The following LCP1 variants were observed in gnomAD, a reference collection of about 807,000 sequenced individuals.
The protein encoded by LCP1 is plastin-2.
Under a neutral mutation model 72.0 loss-of-function variants are expected in LCP1, and 23 were observed. The ratio of observed to expected loss-of-function variants is 0.32; its 90% CI spans 0.23 to 0.45. LCP1 has a LOEUF of 0.45. LCP1 is among the 20% of genes least tolerant of loss of function. The pLI is 1.00. For synonymous variants in LCP1, 245 were observed against 275.4 expected (o/e 0.89, Z 1.09); for missense variants, 571 against 748.3 (o/e 0.76, Z 2.76).
intron 13 of LCP1, among the ~76,000 whole-genome samples, chr13:46,136,298 T>C (rs1419959536): frequency 6.6e-6 from 1 of 152,208 alleles, no homozygotes; most frequent in African/African-American, 2.4e-5. Context: ...GCTTGCACAG[T>C]GTATTCATCA....
chr13:46,127,707 C>A lies in LCP1; in HGVS notation c.1768G>T (p.Ala590Ser). ...TACACTCTTGCTCCAATTTTTCGGG[C>A]CATAGAGATGGCATATCTAAAAGGG... ...LNNAKYAISM[A>S]RKIGARVYAL... The change falls in exon 16 of 16, where the codon GCC becomes TCC. Residue 590 changes from alanine to serine, a missense_variant. Physicochemically the swap from Ala to Ser is moderately conservative, Grantham distance 99. Transcript: ENST00000323076. 6.2e-7 allele frequency: 1 copy of A among 1,614,102 alleles called. No homozygotes were observed. The highest frequency in any genetic ancestry group is 1.3e-5 in the African/African-American group (1 of 75,014).
chr13:46,171,364 A>T (rs1240288073), intron 1 of LCP1, among the ~76,000 whole-genome samples: 1 of 152,178 alleles, frequency 6.6e-6, no homozygotes, highest in Non-Finnish European at 1.5e-5. Context: ...CTCTGACCTC[A>T]TGTTAATTAG....
chr13:46,157,727 T>C (rs1479862540), intron 4 of LCP1, among the ~76,000 whole-genome samples: 2 of 151,408 alleles, frequency 1.3e-5, no homozygotes, highest in Non-Finnish European at 2.9e-5. Context: ...AGATGGTATT[T>C]AATCATGACT....
At chr13:46,128,380 CA>C (rs2045612988) in intron 15 of LCP1, among the ~76,000 whole-genome samples, 2 of 152,198 alleles carry the variant, frequency 1.3e-5, no homozygotes, top group South Asian at 4.1e-4. Flanking sequence ...GGGTGGATCA[CA>C]AGGTCAGGAG....
At chr13:46,130,056 T>A (rs1016721787) in intron 15 of LCP1, among the ~76,000 whole-genome samples, 1 of 152,236 alleles carries the variant, frequency 6.6e-6, no homozygotes. Flanking sequence ...GCCAACATCT[T>A]GATTGCAAAC....
At chr13:46,155,572 G>A (rs924959301) in intron 5 of LCP1, among the ~76,000 whole-genome samples, 3 of 152,178 alleles carry the variant, frequency 2.0e-5, no homozygotes, top group African/African-American at 7.2e-5. Context: ...AGAGGAGAAA[G>A]CTCAATGTCT....
At chr13:46,176,322 C>T (rs1217222164) in intron 1 of LCP1, among the ~76,000 whole-genome samples, 3 of 151,922 alleles carry the variant, frequency 2.0e-5, no homozygotes, top group Non-Finnish European at 4.4e-5. Context: ...TAAATACATA[C>T]CGTTATATGT....
At chr13:46,159,256 A>G in intron 2 of LCP1, 5 of 524,666 alleles carry the variant, frequency 9.5e-6, no homozygotes, top group South Asian at 7.9e-5. Flanking sequence ...AGAAACTCTT[A>G]AGGAAACCAC....
At chr13:46,159,303 G>T in intron 2 of LCP1, 1 of 522,852 alleles carries the variant, frequency 1.9e-6, no homozygotes, top group Non-Finnish European at 3.4e-6. Context: ...AGTATGTGAT[G>T]GTATTAAAAT....
chr13:46,140,711 T>C (rs1593946315), intron 13 of LCP1, among the ~76,000 whole-genome samples: 1 of 152,174 alleles, frequency 6.6e-6, no homozygotes, highest in Non-Finnish European at 1.5e-5. Context: ...GTTACTGTAA[T>C]TATTTTCTGT....
chr13:46,148,600 A>G (rs2045744910), intron 8 of LCP1, among the ~76,000 whole-genome samples, 153 bp from the exon 9 acceptor site: 1 of 152,194 alleles, frequency 6.6e-6, no homozygotes, highest in South Asian at 2.1e-4. Context: ...ACTAATTTGA[A>G]TGTTCTATTT....
At chr13:46,157,926 CA>C (rs1283495264) in intron 4 of LCP1, among the ~76,000 whole-genome samples, 1 of 152,008 alleles carries the variant, frequency 6.6e-6, no homozygotes, top group Non-Finnish European at 1.5e-5. Flanking sequence ...GGGGTTTCAC[CA>C]TGTTGCCCAG....
intron 1 of LCP1, among the ~76,000 whole-genome samples, chr13:46,165,808 A>G (rs1204246527): frequency 1.3e-5 from 2 of 152,198 alleles, no homozygotes; most frequent in Non-Finnish European, 2.9e-5. Context: ...CAACTCATTC[A>G]TCAAGGTCAC....
intron 2 of LCP1, 122 bp from the exon 3 acceptor site, chr13:46,159,111 T>C: frequency 1.2e-6 from 1 of 860,338 alleles, no homozygotes. Flanking sequence ...CATTAAGGCA[T>C]GATCCCAGGG....
intron 1 of LCP1, among the ~76,000 whole-genome samples, chr13:46,173,474 A>C (rs906146733): frequency 2.6e-5 from 4 of 152,236 alleles, no homozygotes; most frequent in African/African-American, 9.6e-5. Context: ...AGGAAGTTAA[A>C]AGAAAATGTA....
intron 15 of LCP1, among the ~76,000 whole-genome samples, chr13:46,129,340 A>T (rs1159560911): frequency 6.6e-6 from 1 of 151,542 alleles, no homozygotes; most frequent in Non-Finnish European, 1.5e-5. Context: ...ACCTAATCAC[A>T]CTCCCCTTGA....
rs535359213 is a variant in LCP1 at position 46,143,177 on chromosome 13, T to C, written c.1368+113A>G. ...TTCTGATTGCTGTACTAGAATTTAA[T>C]TTCTGGAAAAACATTACTTGTCTAC... On this transcript the variant is annotated intron_variant, in intron 12 of 15. Coordinates refer to ENST00000323076, the MANE Select transcript of LCP1 (RefSeq NM_002298.5). 5 of 663,648 alleles carry C rather than the reference T, an allele frequency of 7.5e-6. No individual in the cohort carries two copies. The East Asian group carries it at 1.4e-4, about 18-fold the overall frequency. The allele number at this position is 663,648 out of a possible 1,614,324, so 41.1% of individuals were successfully genotyped here.
rs535799904 is a variant in LCP1 at position 46,158,546 on chromosome 13, C to T, written c.334G>A (p.Val112Ile). 149 of 1,614,030 alleles carry T rather than the reference C, an allele frequency of 9.2e-5. No individual in the cohort carries two copies. The highest frequency in any genetic ancestry group is 3.2e-4 in the Admixed American group (19 of 60,010). Residue 112 changes from valine to isoleucine, a missense_variant, in exon 4 of 16, where the codon GTT (valine) becomes ATT (isoleucine). Coordinates refer to ENST00000323076, the MANE Select transcript of LCP1 (RefSeq NM_002298.5). ...AIGGTSEQSSVGTQHSYSEEE... is the reference protein window; with the variant it reads ...AIGGTSEQSSIGTQHSYSEEE... ...CCTGAATAGGAGTGTTGGGTGCCAA[C>T]GCTAGACTGCTCTGAAGTACCACCG...
At chr13:46,140,012 G>A (rs2045687860) in intron 13 of LCP1, among the ~76,000 whole-genome samples, 1 of 152,154 alleles carries the variant, frequency 6.6e-6, no homozygotes, top group African/African-American at 2.4e-5. Context: ...AGAAAACAAA[G>A]TTAGCCTTAA....
Sources: allele counts gnomAD v4.1 joint callset (sites outside exome capture counted in the v4.1 genomes callset), GRCh38; gene constraint gnomAD v4.1.1; transcripts MANE v1.5; gene names NCBI Gene and HGNC (gene_info 2026-07-23, HGNC 2026-07-21).